Variants in KMT2C observed in about 807,000 individuals in gnomAD.
KMT2C encodes histone-lysine N-methyltransferase 2C.
Under a neutral mutation model 507.9 loss-of-function variants are expected in KMT2C, and 88 were observed. That is an observed-to-expected ratio of 0.17 (90% CI 0.15 to 0.21). The LOEUF is 0.21. Among genes scored for constraint, KMT2C ranks in the 10% least tolerant of loss-of-function variants. The pLI, the probability that KMT2C is intolerant of heterozygous loss-of-function variation, is 1.00. For synonymous variants in KMT2C, 2,049 were observed against 2,080.8 expected, an observed-to-expected ratio of 0.98 and a Z score of 0.42; for missense variants, 4,954 against 5,957.8, an observed-to-expected ratio of 0.83 and a Z score of 5.55.
rs9640180 is a variant in KMT2C at position 152,351,122 on chromosome 7, T to G, written c.250+7465A>C. Among the ~76,000 whole-genome samples the G allele has an allele frequency of 2.7e-3, 406 of 152,332 alleles. 14 individuals carry two copies. The East Asian group carries it at 0.057, about 21-fold the overall frequency. On this transcript the variant is annotated intron_variant, in intron 2 of 58. Transcript: ENST00000262189. ...GTATGATAACAATGCCTTCTTCTGA[T>G]ATAGCTCCTGAAGGTTCTGCCTGAG...
intron 2 of KMT2C, among the ~76,000 whole-genome samples, chr7:152,357,659 G>A (rs990363359): frequency 6.6e-6 from 1 of 151,998 alleles, no homozygotes; most frequent in Admixed American, 6.6e-5. Context: ...AAGTAATACA[G>A]TAATTCATGA....
chr7:152,310,520 G>C (rs1414668111), intron 5 of KMT2C, among the ~76,000 whole-genome samples: 1 of 152,092 alleles, frequency 6.6e-6, no homozygotes, highest in Non-Finnish European at 1.5e-5. Flanking sequence ...AGCTGAGATC[G>C]CACCACTGCA....
At chr7:152,239,977 G>C (rs1325356120) in intron 14 of KMT2C, among the ~76,000 whole-genome samples, 1 of 152,226 alleles carries the variant, frequency 6.6e-6, no homozygotes, top group Non-Finnish European at 1.5e-5. Context: ...ACAGTATTTT[G>C]AGAAAAGCCA....
At chr7:152,238,976 A>G (rs2095334206) in intron 14 of KMT2C, 150 bp from the exon 15 acceptor site, 10 of 627,044 alleles carry the variant, frequency 1.6e-5, no homozygotes, top group Non-Finnish European at 2.8e-5. Flanking sequence ...AAATAAGTTA[A>G]TCACTAACAG....
chr7:152,425,837 C>T (rs6974154), intron 1 of KMT2C, among the ~76,000 whole-genome samples: 5,683 of 151,674 alleles, frequency 0.037, 374 homozygotes, highest in African/African-American at 0.13. Flanking sequence ...TAATGTAAAT[C>T]GATTACAATA....
intron 42 of KMT2C, among the ~76,000 whole-genome samples, chr7:152,166,100 A>T (rs2092715227): frequency 1.3e-5 from 2 of 151,548 alleles, no homozygotes; most frequent in Non-Finnish European, 2.9e-5. Context: ...TGCTTCCTAC[A>T]GTGTTCATTA....
At chr7:152,363,236 C>G (rs890970944) in intron 1 of KMT2C, among the ~76,000 whole-genome samples, 5 of 152,100 alleles carry the variant, frequency 3.3e-5, no homozygotes, top group South Asian at 2.1e-4. Context: ...TTATTTTAAC[C>G]CTTCTTTGGG....
At chr7:152,229,446 G>A (rs1297184684) in intron 18 of KMT2C, among the ~76,000 whole-genome samples, 1 of 152,154 alleles carries the variant, frequency 6.6e-6, no homozygotes, top group Non-Finnish European at 1.5e-5. Flanking sequence ...GAGCAGCGCT[G>A]ACTCTCGATT....
rs1438877549 is a variant in KMT2C at position 152,144,061 on chromosome 7, CG to C, written c.14343+651del. 6.6e-6 allele frequency among the ~76,000 whole-genome samples: 1 copy of C among 152,160 alleles called. No individual in the cohort carries two copies. Among genetic ancestry groups the C allele is most frequent in the Non-Finnish European group, 1.5e-5 (1 of 68,038 alleles). ...CAGTACTGAGGCCAATGTACACAAA[CG>C]GTAACATCACTCAGCAAGGAGCTTG... On this transcript the variant is annotated intron_variant, in intron 55 of 58. Transcript: ENST00000262189. This position sits in a 1 kb window ranked among gnomAD's most constrained non-coding sequence, Gnocchi z 4.4.
chr7:152,421,605 T>C (rs932233557), intron 1 of KMT2C, among the ~76,000 whole-genome samples: 3 of 152,196 alleles, frequency 2.0e-5, no homozygotes. Context: ...TGGATGCAGT[T>C]GGAGGCCATT....
intron 4 of KMT2C, 102 bp from the exon 5 acceptor site, chr7:152,312,048 T>C: frequency 1.1e-6 from 1 of 888,274 alleles, no homozygotes. Context: ...TTTTAATTTA[T>C]CAGCCATTAA....
At chr7:152,318,766 G>A (rs2096745495) in intron 3 of KMT2C, among the ~76,000 whole-genome samples, 1 of 152,024 alleles carries the variant, frequency 6.6e-6, no homozygotes, top group Non-Finnish European at 1.5e-5. Context: ...GGAAGTTTGA[G>A]TGGCAATAAT....
intron 1 of KMT2C, among the ~76,000 whole-genome samples, chr7:152,372,647 T>C (rs1040575668): frequency 7.2e-5 from 11 of 152,070 alleles, no homozygotes; most frequent in African/African-American, 2.7e-4. Context: ...AGATCAGAGG[T>C]CAATTCATCA....
Position 152,162,655 on chromosome 7 carries a change from G to A in KMT2C, c.10922C>T (p.Thr3641Ile), listed in dbSNP as rs1347562232. 6.2e-7 allele frequency: 1 copy of A among 1,614,234 alleles called. No individual in the cohort carries two copies. Among genetic ancestry groups the A allele is most frequent in the Admixed American group, 1.7e-5 (1 of 60,024 alleles). Residue 3641 changes from threonine (T) to isoleucine (I), a missense_variant, in exon 43 of 59, where the codon ACC (threonine) becomes ATC (isoleucine). Thr to Ile is a moderately conservative substitution (Grantham distance 89, BLOSUM62 -1). Transcript: ENST00000262189. Reference sequence around the variant, plus strand: ...GGGTGTGCTCACTGCAGGAGTAGAGGTAGTTTCTGAGATGCCTGGAGTCGG... The same window carrying A: ...GGGTGTGCTCACTGCAGGAGTAGAGATAGTTTCTGAGATGCCTGGAGTCGG... ...APPTPGISET[T>I]STPAVSTPSE...
At chr7:152,413,241 A>G (rs1368506334) in intron 1 of KMT2C, among the ~76,000 whole-genome samples, 2 of 152,012 alleles carry the variant, frequency 1.3e-5, no homozygotes, top group African/African-American at 2.4e-5. Flanking sequence ...CAGCCTCCCG[A>G]GTAGCTGGGA....
intron 6 of KMT2C, among the ~76,000 whole-genome samples, chr7:152,303,802 A>C (rs1201938086): frequency 6.6e-6 from 1 of 152,238 alleles, no homozygotes; most frequent in Non-Finnish European, 1.5e-5. Flanking sequence ...AGCCTGGCCA[A>C]CATGGCGAAA....
intron 1 of KMT2C, among the ~76,000 whole-genome samples, chr7:152,401,248 T>G (rs2097571105): frequency 6.6e-6 from 1 of 151,912 alleles, no homozygotes; most frequent in Non-Finnish European, 1.5e-5. Flanking sequence ...CACCACGAAT[T>G]TTTGTATTTT....
chr7:152,285,095 T>C (rs545039617), intron 6 of KMT2C, among the ~76,000 whole-genome samples: 1 of 152,424 alleles, frequency 6.6e-6, no homozygotes, highest in South Asian at 2.1e-4. Context: ...CAACGAAGCA[T>C]GTTACATAAA....
rs2129101518 is a variant in KMT2C, at chr7:152,158,960, C to A, written c.11573G>T (p.Gly3858Val). The part of the protein sequence containing the change: ...KQRSKRTQRT[G>V]EKAAPRSKKR... The stretch of plus-strand genomic sequence containing the variant: ...CTTTGAGCGAGGTGCTGCTTTCTCA[C>A]CCGTCCTCTGAGTCCGTTTGCTTCG... The change falls in exon 44 of 59, where the codon GGT (glycine) becomes GTT (valine). Residue 3858 changes from glycine to valine, a missense_variant. This residue lies in a region of KMT2C where 801 missense variants were observed against 751.2 expected (regional missense o/e 1.07). Transcript: ENST00000262189. 1.2e-6 allele frequency: 2 copies of A among 1,614,204 alleles called. No homozygotes were observed. The highest frequency in any genetic ancestry group is 1.7e-6 in the Non-Finnish European group (2 of 1,180,022).
Sources: gnomAD v4.1 joint callset for allele counts (sites outside exome capture counted in the v4.1 genomes callset) on GRCh38, gnomAD v4.1.1 for gene constraint, gnomAD v4.1.1 regional missense constraint, Gnocchi (gnomAD v3.1) non-coding constraint, MANE v1.5 for transcripts, NCBI Gene and HGNC (gene_info 2026-07-23, HGNC 2026-07-21) for gene names.